The following BEND5 variants were observed in gnomAD, a reference collection of about 807,000 sequenced individuals.
BEND5 encodes BEN domain containing 5.
BEND5 carries 22 observed loss-of-function variants against 43.9 expected under a neutral mutation model. The observed-to-expected ratio is 0.50, with a 90% confidence interval of 0.36 to 0.72. The LOEUF is 0.72. Ranked by LOEUF, BEND5 falls within the 30% of genes least tolerant of loss-of-function variation. The pLI is 0.00. For missense variants in BEND5, 428 were observed against 550.6 expected (o/e 0.78, Z 2.23); for synonymous variants, 228 against 225.9 (o/e 1.01, Z -0.08).
chr1:48,771,465 A>G (rs914926017), intron 1 of BEND5, among the ~76,000 whole-genome samples: 3 of 152,238 alleles, frequency 2.0e-5, no homozygotes, highest in Admixed American at 6.5e-5. Context: ...AGCACATACT[A>G]TTTAGCTGTA....
intron 1 of BEND5, among the ~76,000 whole-genome samples, chr1:48,767,935 C>T (rs1327001237): frequency 6.6e-6 from 1 of 152,150 alleles, no homozygotes; most frequent in Non-Finnish European, 1.5e-5. Flanking sequence ...TACTATGTGC[C>T]AGGCTCTGGG....
intron 3 of BEND5, among the ~76,000 whole-genome samples, chr1:48,743,506 T>G (rs1404471022): frequency 1.3e-5 from 2 of 152,198 alleles, no homozygotes; most frequent in Admixed American, 1.3e-4. Context: ...AGAAACAGGA[T>G]GAAAATGGGT....
intron 4 of BEND5, among the ~76,000 whole-genome samples, chr1:48,740,156 A>T (rs1015457894): frequency 6.6e-6 from 1 of 152,272 alleles, no homozygotes; most frequent in African/African-American, 2.4e-5. Flanking sequence ...CAACTTTAGA[A>T]CACAGAAAGA....
At chr1:48,742,575 T>G in intron 4 of BEND5, 48 bp downstream of exon 4, 1 of 1,448,334 alleles carries the variant, frequency 6.9e-7, no homozygotes, top group Non-Finnish European at 9.2e-7. Context: ...ACCTTTACTC[T>G]GACTAACAAA....
rs1027477049 is a variant in BEND5, at chr1:48,761,576, C to G, written c.227-106G>C. Reference sequence around the variant, plus strand: ...TGCTAGAAAATAATTGAGGCCAGACCAGTTAAAAAGGAAAAACAAACAGAC... The same window carrying G: ...TGCTAGAAAATAATTGAGGCCAGACGAGTTAAAAAGGAAAAACAAACAGAC... On this transcript the variant is annotated intron_variant, in intron 1 of 5. Coordinates refer to ENST00000371833, the MANE Select transcript of BEND5 (RefSeq NM_024603.4). 3.3e-6 allele frequency: 4 copies of G among 1,221,904 alleles called. No homozygotes were observed. The South Asian group carries it at 6.3e-5, about 19-fold the overall frequency. 75.7% of individuals were successfully genotyped at this position (1,221,904 alleles called of 1,614,324 possible).
At chr1:48,770,047 G>A (rs562812441) in intron 1 of BEND5, among the ~76,000 whole-genome samples, 1 of 152,240 alleles carries the variant, frequency 6.6e-6, no homozygotes, top group South Asian at 2.1e-4. Flanking sequence ...GTGACAGGGA[G>A]CTCAGCACCA....
At chr1:48,774,551 C>G (rs1433160146) in intron 1 of BEND5, among the ~76,000 whole-genome samples, 3 of 152,188 alleles carry the variant, frequency 2.0e-5, no homozygotes, top group Admixed American at 1.3e-4. Context: ...TTCAAACTGG[C>G]ACACTTCTTT....
chr1:48,745,316 G>A (rs1053132893), intron 3 of BEND5, among the ~76,000 whole-genome samples: 5 of 152,276 alleles, frequency 3.3e-5, no homozygotes, highest in Admixed American at 2.6e-4. Context: ...CTTGGAGTCC[G>A]AGAAGTAGAA....
chr1:48,752,016 C>A (rs1651818216), intron 3 of BEND5, among the ~76,000 whole-genome samples: 1 of 152,206 alleles, frequency 6.6e-6, no homozygotes, highest in Non-Finnish European at 1.5e-5. Context: ...TACTCCACTT[C>A]TTATTACTAG....
At chr1:48,733,298 G>A (rs919781409) in intron 5 of BEND5, among the ~76,000 whole-genome samples, 5 of 152,054 alleles carry the variant, frequency 3.3e-5, no homozygotes, top group Non-Finnish European at 5.9e-5. Flanking sequence ...AAGGCAGGTG[G>A]ACTGAAATCC....
chr1:48,753,703 C>A (rs1378070584), intron 3 of BEND5, among the ~76,000 whole-genome samples: 1 of 152,202 alleles, frequency 6.6e-6, no homozygotes, highest in Non-Finnish European at 1.5e-5. Context: ...GCATTCTCCT[C>A]TCTAAAACGG....
Position 48,776,474 on chromosome 1 carries a change from A to G in BEND5, c.226+132T>C. 6 of 670,806 alleles carry G rather than the reference A, an allele frequency of 8.9e-6. No individual in the cohort carries two copies. In the South Asian group the frequency reaches 1.6e-4, roughly 18 times the overall value. The allele number at this position is 670,806 out of a possible 1,614,324, so 41.6% of individuals were successfully genotyped here. On this transcript the variant is annotated intron_variant, in intron 1 of 5. Transcript: ENST00000371833. ...CACCCCGTTCCCAAATGAAATGCCCAGAGGACGGGAGAAGGAGGCAGGAAG... is the reference window on the plus strand; with the variant it reads ...CACCCCGTTCCCAAATGAAATGCCCGGAGGACGGGAGAAGGAGGCAGGAAG...
intron 3 of BEND5, among the ~76,000 whole-genome samples, chr1:48,751,678 T>C (rs1246294274): frequency 1.3e-5 from 2 of 152,174 alleles, no homozygotes; most frequent in Non-Finnish European, 2.9e-5. Context: ...CATGGCAATA[T>C]GGAAGGCAAA....
chr1:48,761,312 C>T, intron 2 of BEND5, 25 bp downstream of exon 2: 1 of 1,539,822 alleles, frequency 6.5e-7, no homozygotes, highest in East Asian at 2.5e-5. Flanking sequence ...CAGCATACCT[C>T]CAAAGAAAGG....
chr1:48,753,038 G>GC (rs1385607153), intron 3 of BEND5, among the ~76,000 whole-genome samples: 2 of 152,180 alleles, frequency 1.3e-5, no homozygotes, highest in African/African-American at 2.4e-5. Flanking sequence ...GTGAGCCACT[G>GC]CCCCCGGCCC....
intron 1 of BEND5, among the ~76,000 whole-genome samples, chr1:48,762,614 TTG>T (rs58396843): frequency 0.069 from 5,143 of 74,996 alleles, 172 homozygotes; most frequent in African/African-American, 0.15. Flanking sequence ...TTTAAGGGTT[TTG>T]TGTGTGTGTG....
intron 4 of BEND5, among the ~76,000 whole-genome samples, chr1:48,739,553 A>G (rs377501711): frequency 8.5e-5 from 13 of 152,268 alleles, no homozygotes; most frequent in African/African-American, 3.1e-4. Context: ...TGGGTGCTGG[A>G]GCTGCCAGCC....
In BEND5 at chr1:48,727,799, C is replaced by T. The variant is rs760010071; in HGVS notation, c.*87G>A. ...ATCCCTGCACACACACCACCATGCA[C>T]GGTGGGGTCTGATTTGGACGGCACC... On this transcript the variant is annotated 3_prime_UTR_variant, in exon 6 of 6. Transcript: ENST00000371833. The T allele has an allele frequency of 1.4e-4, 184 of 1,296,958 alleles. No homozygotes were observed. Among genetic ancestry groups the T allele is most frequent in the Admixed American group, 1.3e-4 (7 of 54,336 alleles). The allele number at this position is 1,296,958 out of a possible 1,614,324, so 80.3% of individuals were successfully genotyped here.
At chr1:48,729,208 T>G (rs1335860985) in intron 5 of BEND5, among the ~76,000 whole-genome samples, 3 of 152,236 alleles carry the variant, frequency 2.0e-5, no homozygotes, top group Admixed American at 2.0e-4. Context: ...GAGTATTTTA[T>G]GTATTTACAA....
Sources: gnomAD v4.1 joint callset for allele counts (sites outside exome capture counted in the v4.1 genomes callset) on GRCh38, gnomAD v4.1.1 for gene constraint, MANE v1.5 for transcripts, NCBI Gene and HGNC (gene_info 2026-07-23, HGNC 2026-07-21) for gene names.